CYTH1: variants seen among roughly 807,000 people sequenced by gnomAD.
The protein encoded by CYTH1 is cytohesin-1.
In CYTH1, 18 loss-of-function variants were observed where a neutral mutation model predicts 61.8. That is an observed-to-expected ratio of 0.29 (90% CI 0.20 to 0.43). The LOEUF (loss-of-function observed/expected upper bound fraction) is 0.43, where lower values mean the gene tolerates loss of function less well. CYTH1 is among the 20% of genes least tolerant of loss of function. The pLI is 1.00. For synonymous variants in CYTH1, 174 were observed against 184.3 expected (o/e 0.94, Z 0.45); for missense variants, 336 against 510.5 (o/e 0.66, Z 3.29).
chr17:78,699,720 T>C (rs1244498352), intron 7 of CYTH1, among the ~76,000 whole-genome samples: 1 of 152,222 alleles, frequency 6.6e-6, no homozygotes, highest in African/African-American at 2.4e-5. Flanking sequence ...TACATACACA[T>C]GCTTTTTTGC....
chr17:78,675,940 A>T lies in CYTH1; in HGVS notation c.*151T>A. The T allele has an allele frequency of 6.7e-7, 1 of 1,490,962 alleles. No individual in the cohort carries two copies. Among genetic ancestry groups the T allele is most frequent in the Non-Finnish European group, 9.1e-7 (1 of 1,099,958 alleles). 92.4% of individuals were successfully genotyped at this position (1,490,962 alleles called of 1,614,324 possible). A position where few individuals can be genotyped will look rare whatever the true frequency, so the allele number is the denominator to read the frequency against. Reference sequence around the variant, plus strand: ...ATAACTGCCCACCCTTCTCCCACTTAAAAAAAATAGCAAAAGCTGAAGCTA... The same window carrying T: ...ATAACTGCCCACCCTTCTCCCACTTTAAAAAAATAGCAAAAGCTGAAGCTA... On this transcript the variant is annotated 3_prime_UTR_variant, in exon 14 of 14. Coordinates refer to ENST00000446868, the MANE Select transcript of CYTH1 (RefSeq NM_004762.6).
rs545634473 is a variant in CYTH1 at position 78,711,982 on chromosome 17, C to T, written c.23-2250G>A. 7.3e-5 allele frequency among the ~76,000 whole-genome samples: 11 copies of T among 151,116 alleles called. No individual in the cohort carries two copies. In the South Asian group the frequency reaches 1.5e-3, roughly 20 times the overall value. ...TAGTTCCAGCTACTCGGGGGGCTGA[C>T]GTAGAAGGATTGCTTGAGCCTGGGG... On this transcript the variant is annotated intron_variant, in intron 1 of 13. Coordinates refer to ENST00000446868, the MANE Select transcript of CYTH1 (RefSeq NM_004762.6).
At chr17:78,766,169 T>C (rs2093448013) in intron 1 of CYTH1, among the ~76,000 whole-genome samples, 1 of 148,158 alleles carries the variant, frequency 6.7e-6, no homozygotes, top group African/African-American at 2.5e-5. Context: ...GCAGGAAGAC[T>C]CTGGGAGCTG....
chr17:78,769,845 C>T (rs2093463463), intron 1 of CYTH1, among the ~76,000 whole-genome samples: 1 of 151,856 alleles, frequency 6.6e-6, no homozygotes, highest in African/African-American at 2.4e-5. Context: ...AGTGAAACTC[C>T]GTCTCTACTA....
chr17:78,722,828 G>C (rs2093240419), intron 1 of CYTH1, among the ~76,000 whole-genome samples: 1 of 152,168 alleles, frequency 6.6e-6, no homozygotes, highest in African/African-American at 2.4e-5. Context: ...GCCCAGGAAA[G>C]GTTCCCAAGT....
intron 11 of CYTH1, among the ~76,000 whole-genome samples, chr17:78,687,560 G>C (rs2092829443): frequency 6.6e-6 from 1 of 152,176 alleles, no homozygotes; most frequent in Non-Finnish European, 1.5e-5. Flanking sequence ...GTTCTTTTGT[G>C]GTTGGGAAGT....
At chr17:78,676,984 A>G (rs1442226653) in intron 13 of CYTH1, 1 of 455,872 alleles carries the variant, frequency 2.2e-6, no homozygotes, top group African/African-American at 2.0e-5. Context: ...GACTGCAGGC[A>G]GGGCACTCAC....
chr17:78,721,089 G>C (rs1454162249), intron 1 of CYTH1, among the ~76,000 whole-genome samples: 2 of 152,138 alleles, frequency 1.3e-5, no homozygotes, highest in Non-Finnish European at 2.9e-5. Flanking sequence ...CAGCACTTTG[G>C]GGGGCCGAGG....
intron 1 of CYTH1, among the ~76,000 whole-genome samples, chr17:78,765,987 G>A (rs2093446886): frequency 6.7e-6 from 1 of 150,076 alleles, no homozygotes; most frequent in Admixed American, 6.7e-5. Context: ...TGTGCACGGT[G>A]GCTCAAACCT....
At chr17:78,761,076 C>T (rs2093426744) in intron 1 of CYTH1, among the ~76,000 whole-genome samples, 1 of 152,054 alleles carries the variant, frequency 6.6e-6, no homozygotes, top group Admixed American at 6.5e-5. Flanking sequence ...CCTTGTGATC[C>T]ACCCACCTCG....
chr17:78,772,540 TTTTG>T (rs1203275458), intron 1 of CYTH1, among the ~76,000 whole-genome samples: 1 of 152,060 alleles, frequency 6.6e-6, no homozygotes, highest in Admixed American at 6.6e-5. Context: ...TTTGTTTCGT[TTTTG>T]TTTTTGTTTT....
intron 3 of CYTH1, among the ~76,000 whole-genome samples, chr17:78,704,881 G>A (rs976593167): frequency 2.6e-5 from 4 of 152,198 alleles, no homozygotes; most frequent in Non-Finnish European, 5.9e-5. Context: ...ACTTCCAGGT[G>A]TAAGATAATC....
At chr17:78,750,013 A>C (rs182907133) in intron 1 of CYTH1, among the ~76,000 whole-genome samples, 2 of 152,304 alleles carry the variant, frequency 1.3e-5, no homozygotes, top group African/African-American at 4.8e-5. Context: ...AAAGGATAGC[A>C]AATCAATGGC....
At chr17:78,771,015 C>A (rs2093469221) in intron 1 of CYTH1, among the ~76,000 whole-genome samples, 1 of 152,184 alleles carries the variant, frequency 6.6e-6, no homozygotes, top group Non-Finnish European at 1.5e-5. Flanking sequence ...GTAATCCCAG[C>A]ACTTTGGGAG....
At chr17:78,723,241 C>CA (rs1041145503) in intron 1 of CYTH1, 2 of 153,178 alleles carry the variant, frequency 1.3e-5, no homozygotes, top group Non-Finnish European at 2.9e-5. Context: ...CCTGCGGCCC[C>CA]AGTGTCCTGG....
chr17:78,757,484 T>C (rs942329346), intron 1 of CYTH1, among the ~76,000 whole-genome samples: 7 of 152,126 alleles, frequency 4.6e-5, no homozygotes, highest in Non-Finnish European at 2.9e-5. Flanking sequence ...ATCTGTTGAA[T>C]AGATGAATAA....
In CYTH1 at chr17:78,675,847, C is replaced by G; in HGVS notation, c.*244G>C. ...GGAGGCTGCCCTGCCGACAAGAGCTCTGCCCTGTGAGAGAGGAAGGCTCTG... is the reference window on the plus strand; with the variant it reads ...GGAGGCTGCCCTGCCGACAAGAGCTGTGCCCTGTGAGAGAGGAAGGCTCTG... On this transcript the variant is annotated 3_prime_UTR_variant, in exon 14 of 14. Transcript: ENST00000446868. The G allele has an allele frequency of 6.9e-7, 1 of 1,452,578 alleles. No homozygotes were observed. Among genetic ancestry groups the G allele is most frequent in the Non-Finnish European group, 9.1e-7 (1 of 1,100,854 alleles). The allele number at this position is 1,452,578 out of a possible 1,614,324, so 90.0% of individuals were successfully genotyped here.
intron 1 of CYTH1, chr17:78,736,672 G>C (rs1302379277): frequency 2.6e-6 from 1 of 388,054 alleles, no homozygotes; most frequent in African/African-American, 2.1e-5. Flanking sequence ...TCCCGGCCGG[G>C]GGCTGCGGCT....
chr17:78,697,215 G>A (rs1230216104), intron 9 of CYTH1, among the ~76,000 whole-genome samples: 2 of 151,864 alleles, frequency 1.3e-5, no homozygotes, highest in Non-Finnish European at 2.9e-5. Flanking sequence ...TCTAATCACT[G>A]GGGCAAGCAG....
Sources: gnomAD v4.1 joint callset for allele counts (sites outside exome capture counted in the v4.1 genomes callset) on GRCh38, gnomAD v4.1.1 for gene constraint, MANE v1.5 for transcripts, NCBI Gene and HGNC (gene_info 2026-07-23, HGNC 2026-07-21) for gene names.